PDE1C: variants seen among roughly 807,000 people sequenced by gnomAD.
PDE1C encodes the protein phosphodiesterase 1C.
PDE1C carries 62 observed loss-of-function variants against 93.1 expected under a neutral mutation model. The observed-to-expected ratio is 0.67, with a 90% CI of 0.54 to 0.82. The LOEUF (loss-of-function observed/expected upper bound fraction) is 0.82, where lower values mean the gene tolerates loss of function less well. Among genes scored for constraint, PDE1C ranks in the 40% least tolerant of loss-of-function variants. The probability of loss-of-function intolerance (pLI) is 0.00; values close to 1 mark genes in which losing one functional copy is unlikely to be tolerated. For synonymous variants in PDE1C, 325 were observed against 310.1 expected (o/e 1.05, Z -0.50); for missense variants, 742 against 884.6 (o/e 0.84, Z 2.04).
intron 2 of PDE1C, among the ~76,000 whole-genome samples, chr7:31,915,136 T>C (rs1018641964): frequency 6.6e-6 from 1 of 152,220 alleles, no homozygotes; most frequent in African/African-American, 2.4e-5. Flanking sequence ...TAAGGTACTT[T>C]AAGTATCTAA....
At chr7:32,220,499 C>T (rs1806767137) in intron 1 of PDE1C, among the ~76,000 whole-genome samples, 1 of 152,206 alleles carries the variant, frequency 6.6e-6, no homozygotes, top group Non-Finnish European at 1.5e-5. Flanking sequence ...CTACAGCTCA[C>T]ACCATCAGAA....
At chr7:32,059,747 C>T (rs767520141) in intron 1 of PDE1C, among the ~76,000 whole-genome samples, 22 of 152,096 alleles carry the variant, frequency 1.4e-4, no homozygotes, top group Admixed American at 3.3e-4. Context: ...GCCTTTTGCT[C>T]AAAGCTGGGC....
In PDE1C at chr7:32,175,630, T is replaced by G. The variant is rs142220408; in HGVS notation, c.137-5674A>C. ...CAGAAAAACACAAGGCAGCTGCTAA[T>G]TGATTTAGACTAGAGCCAGTCTTTG... On this transcript the variant is annotated intron_variant, in intron 2 of 18. Coordinates refer to the PDE1C transcript ENST00000396193. Among the ~76,000 whole-genome samples the G allele has an allele frequency of 3.9e-3, 589 of 152,346 alleles. 3 individuals carry two copies. The highest frequency in any genetic ancestry group is 0.013 in the African/African-American group (549 of 41,582).
At chr7:32,160,499 G>A (rs1224074212) in intron 3 of PDE1C, among the ~76,000 whole-genome samples, 2 of 152,212 alleles carry the variant, frequency 1.3e-5, no homozygotes, top group East Asian at 3.9e-4. Context: ...TAATTCATAA[G>A]AATAAACCCT....
At chr7:31,746,636 C>T (rs2128588083), downstream of PDE1C, among the ~76,000 whole-genome samples, 1 of 152,276 alleles carries the variant, frequency 6.6e-6, no homozygotes, top group East Asian at 1.9e-4. Flanking sequence ...TATATTTCAG[C>T]AGTAGAAACC....
chr7:31,956,549 G>A lies in PDE1C; in HGVS notation c.129-75689C>T, dbSNP rs533241827. Among the ~76,000 whole-genome samples, 211 of 150,284 alleles carry A rather than the reference G, an allele frequency of 1.4e-3. 1 individual carries two copies. Among genetic ancestry groups the A allele is most frequent in the African/African-American group, 5.0e-3 (204 of 40,910 alleles). On this transcript the variant is annotated intron_variant, in intron 2 of 17. Coordinates refer to ENST00000396191, the MANE Select transcript of PDE1C (RefSeq NM_001191057.4). The stretch of plus-strand genomic sequence containing the variant: ...GGAAGCATTCCTAAGCAAACAGGCA[G>A]ACGAGCCCTGTTCACAGTAAGAAAA...
chr7:32,342,366 C>A (rs1159478684), intron 1 of PDE1C, among the ~76,000 whole-genome samples: 1 of 151,498 alleles, frequency 6.6e-6, no homozygotes, highest in Non-Finnish European at 1.5e-5. Context: ...ATATATACAT[C>A]ACCACAAAAA....
chr7:31,774,091 A>G (rs1207863576), intron 17 of PDE1C, among the ~76,000 whole-genome samples: 2 of 152,192 alleles, frequency 1.3e-5, no homozygotes. Context: ...GTCATATTTC[A>G]TCTAAAATGC....
At chr7:31,846,161 T>G (rs1792551320) in intron 9 of PDE1C, among the ~76,000 whole-genome samples, 1 of 152,070 alleles carries the variant, frequency 6.6e-6, no homozygotes, top group Non-Finnish European at 1.5e-5. Context: ...CTTGCATAAT[T>G]GCCTCTTAAC....
intron 1 of PDE1C, among the ~76,000 whole-genome samples, chr7:32,266,514 C>G (rs1420311391): frequency 6.6e-6 from 1 of 152,032 alleles, no homozygotes; most frequent in Non-Finnish European, 1.5e-5. Context: ...AAATAAAAAG[C>G]CTTTCCTTCG....
chr7:32,001,449 C>T (rs147245233), intron 2 of PDE1C, among the ~76,000 whole-genome samples: 24 of 152,232 alleles, frequency 1.6e-4, no homozygotes, highest in East Asian at 9.6e-4. Flanking sequence ...TCATGTATTA[C>T]GGTTATTTAT....
In PDE1C at chr7:32,357,807, T is replaced by G. The variant is rs758671454; in HGVS notation, c.310+70015A>C. 4.2e-4 allele frequency among the ~76,000 whole-genome samples: 64 copies of G among 152,196 alleles called. 2 individuals are homozygous for G. Among genetic ancestry groups the G allele is most frequent in the Admixed American group, 2.6e-4 (4 of 15,286 alleles). On this transcript the variant is annotated intron_variant, in intron 1 of 1. Coordinates refer to the PDE1C transcript ENST00000672256. ...CAACCTATCAATGGCCCTTCCAAGC[T>G]ATCAGGTAGACATCAGCTGGCATTT...
Position 31,824,850 on chromosome 7 carries a change from C to A in PDE1C, c.1406+17G>T. On this transcript the variant is annotated intron_variant, in intron 13 of 17. Coordinates refer to ENST00000396191, the MANE Select transcript of PDE1C (RefSeq NM_001191057.4). Reference sequence around the variant, plus strand: ...ACAGGCCAACCTCACCCTCAGCCCTCAAGCTTCCCCACTGACCTCGAACGC... The same window carrying A: ...ACAGGCCAACCTCACCCTCAGCCCTAAAGCTTCCCCACTGACCTCGAACGC... 1 of 1,611,922 alleles carries A rather than the reference C, an allele frequency of 6.2e-7. No homozygotes were observed.
chr7:31,796,021 C>T (rs1006830703), intron 16 of PDE1C, among the ~76,000 whole-genome samples: 6 of 151,222 alleles, frequency 4.0e-5, no homozygotes, highest in Non-Finnish European at 7.4e-5. Context: ...GAATAACAGA[C>T]ACCTAAAAAT....
At chr7:32,260,774 C>A (rs1810142551) in intron 1 of PDE1C, among the ~76,000 whole-genome samples, 1 of 149,358 alleles carries the variant, frequency 6.7e-6, no homozygotes, top group Non-Finnish European at 1.5e-5. Flanking sequence ...CGAAAAGACC[C>A]CCTTCTTGCC....
intron 2 of PDE1C, among the ~76,000 whole-genome samples, chr7:31,967,909 T>C (rs1428268842): frequency 4.6e-5 from 7 of 152,118 alleles, no homozygotes; most frequent in East Asian, 1.9e-4. Flanking sequence ...AATTCAACAA[T>C]GCTTCATGCT....
At chr7:32,137,272 C>T (rs1450860723) in intron 3 of PDE1C, among the ~76,000 whole-genome samples, 1 of 152,172 alleles carries the variant, frequency 6.6e-6, no homozygotes, top group Non-Finnish European at 1.5e-5. Context: ...GACCAAGATA[C>T]ACCCCAGCCC....
chr7:31,734,017 AT>A, the PDE1C span, among the ~76,000 whole-genome samples: 1 of 146,968 alleles, frequency 6.8e-6, no homozygotes, highest in Non-Finnish European at 1.5e-5. Flanking sequence ...GAAAAAAAAA[AT>A]GTTTTTTTCA....
At chr7:32,074,058 A>C (rs1426605767), upstream of PDE1C, among the ~76,000 whole-genome samples, 4 of 152,324 alleles carry the variant, frequency 2.6e-5, no homozygotes, top group East Asian at 7.7e-4. Flanking sequence ...ATGCATACAT[A>C]CATATAACCA....
Sources: gnomAD v4.1 joint callset for allele counts (sites outside exome capture counted in the v4.1 genomes callset) on GRCh38, gnomAD v4.1.1 for gene constraint, MANE v1.5 for transcripts, NCBI Gene and HGNC (gene_info 2026-07-23, HGNC 2026-07-21) for gene names.